Variants in GATAD2B observed in about 807,000 individuals in gnomAD.
GATAD2B encodes the protein transcriptional repressor p66-beta.
A neutral mutation model predicts 64.3 loss-of-function variants in GATAD2B; 8 were observed. The observed-to-expected ratio is 0.12, with a 90% CI of 0.07 to 0.22. The LOEUF is 0.22. Ranked by LOEUF, GATAD2B falls within the 10% of genes least tolerant of loss-of-function variation. GATAD2B has a pLI of 1.00. For synonymous variants in GATAD2B, 281 were observed against 271.3 expected (o/e 1.04, Z -0.35); for missense variants, 453 against 752.0 (o/e 0.60, Z 4.65).
At chr1:153,852,496 G>A in intron 1 of GATAD2B, 1 of 763,790 alleles carries the variant, frequency 1.3e-6, no homozygotes, top group South Asian at 1.3e-5. Flanking sequence ...GACTCGATGT[G>A]CTCTGCACAG....
Position 153,813,066 on chromosome 1 carries a change from A to G in GATAD2B, c.1419+184T>C, listed in dbSNP as rs144978019. On this transcript the variant is annotated intron_variant, in intron 8 of 10. Coordinates refer to ENST00000368655, the MANE Select transcript of GATAD2B (RefSeq NM_020699.4). ...TCCCTTTCTGTTAACCTCAGCCATT[A>G]TATTTTACCATGTTCTTAATCAGAA... is the stretch of plus-strand genomic sequence containing the variant. 1.2e-3 allele frequency among the ~76,000 whole-genome samples: 180 copies of G among 152,318 alleles called. 5 individuals are homozygous for G. Among genetic ancestry groups the G allele is most frequent in the Admixed American group, 0.01 (157 of 15,286 alleles).
At chr1:153,882,060 A>C (rs951126049) in intron 1 of GATAD2B, among the ~76,000 whole-genome samples, 1 of 152,006 alleles carries the variant, frequency 6.6e-6, no homozygotes, top group Non-Finnish European at 1.5e-5. Flanking sequence ...GGAGAGAAAA[A>C]CCAGTTGTAG....
intron 1 of GATAD2B, among the ~76,000 whole-genome samples, chr1:153,861,321 G>A (rs1385973075): frequency 6.6e-6 from 1 of 151,962 alleles, no homozygotes; most frequent in African/African-American, 2.4e-5. Context: ...GAAGGCCAAC[G>A]CAGGAGGATC....
chr1:153,823,722 T>G (rs887320521), intron 2 of GATAD2B, among the ~76,000 whole-genome samples: 10 of 151,892 alleles, frequency 6.6e-5, no homozygotes, highest in Non-Finnish European at 1.0e-4. Context: ...TGCTTTTTTT[T>G]TTTGTTTTTT....
chr1:153,914,327 T>C (rs1011470060), intron 1 of GATAD2B, among the ~76,000 whole-genome samples: 4 of 151,528 alleles, frequency 2.6e-5, no homozygotes, highest in Admixed American at 2.6e-4. Flanking sequence ...GTTTATAAAG[T>C]AACCTTTACA....
chr1:153,904,027 T>A (rs1474006929), intron 1 of GATAD2B, among the ~76,000 whole-genome samples: 1 of 152,092 alleles, frequency 6.6e-6, no homozygotes, highest in Non-Finnish European at 1.5e-5. Context: ...ACGCCTGTAA[T>A]CCCAGCACTT....
chr1:153,858,021 G>T (rs1028899128), intron 1 of GATAD2B, among the ~76,000 whole-genome samples: 1 of 152,124 alleles, frequency 6.6e-6, no homozygotes, highest in Non-Finnish European at 1.5e-5. Context: ...ATCTGGAGAT[G>T]CAATTGCTCT....
rs1488163128 is a variant in GATAD2B at position 153,812,086 on chromosome 1, G to A, written c.1466C>T (p.Thr489Met). The A allele has an allele frequency of 3.7e-6, 6 of 1,612,846 alleles. No homozygotes were observed. Among genetic ancestry groups the A allele is most frequent in the East Asian group, 2.2e-5 (1 of 44,898 alleles). The change falls in exon 9 of 11, where the codon ACG (threonine) becomes ATG (methionine). Residue 489 changes from threonine to methionine, a missense_variant. Transcript: ENST00000368655. Reference sequence around the variant, plus strand: ...ACTGACACTGGACACAGCTGGAGCCGTAGTGGGGGAGAGGGCTGCCTGCTG... The same window carrying A: ...ACTGACACTGGACACAGCTGGAGCCATAGTGGGGGAGAGGGCTGCCTGCTG... ...LQQQAALSPT[T>M]APAVSSVSKQ...
At chr1:153,861,795 A>AAAAAAAAAAAAATATAT (rs371843941) in intron 1 of GATAD2B, among the ~76,000 whole-genome samples, 5 of 98,548 alleles carry the variant, frequency 5.1e-5, no homozygotes, top group Non-Finnish European at 1.0e-4. Flanking sequence ...AAAAAAAAAA[A>AAAAAAAAAAAAATATAT]ATATATATAT....
intron 1 of GATAD2B, among the ~76,000 whole-genome samples, chr1:153,848,267 C>G (rs146646814): frequency 1.3e-5 from 2 of 152,220 alleles, no homozygotes; most frequent in African/African-American, 4.8e-5. Context: ...AAAACCACTT[C>G]AGTTCAGGTT....
rs145342179 is a variant in GATAD2B at position 153,891,097 on chromosome 1, C to T, written c.-2+31636G>A. Among the ~76,000 whole-genome samples the T allele has an allele frequency of 2.0e-3, 300 of 151,582 alleles. 7 individuals are homozygous for T. In the East Asian group the frequency reaches 0.055, roughly 28 times the overall value. ...TACTCAGGAGGCTGAGGAAGGAGAA[C>T]TGCTTGAACCTGGGAGGCGGAGTTT... is the stretch of plus-strand genomic sequence containing the variant. On this transcript the variant is annotated intron_variant, in intron 1 of 10. Transcript: ENST00000368655.
In GATAD2B at chr1:153,894,144, G is replaced by C. The variant is rs139023464; in HGVS notation, c.-2+28589C>G. On this transcript the variant is annotated intron_variant, in intron 1 of 10. Coordinates refer to ENST00000368655, the MANE Select transcript of GATAD2B (RefSeq NM_020699.4). ...AGAATAGTGGCTACCTGTTGGAGTG[G>C]AGGAGGGTAATGACTAGGAGAGAAC... 1.8e-3 allele frequency among the ~76,000 whole-genome samples: 270 copies of C among 152,100 alleles called. 1 individual carries two copies. Among genetic ancestry groups the C allele is most frequent in the African/African-American group, 6.4e-3 (264 of 41,498 alleles).
In GATAD2B at chr1:153,812,684, C is replaced by T. The variant is rs553591522; in HGVS notation, c.1420-552G>A. ...GTTTTATTTTTGACTCCTGCCTACC[C>T]GATCTTCCAAAAAGTCCATGATGCT... On this transcript the variant is annotated intron_variant, in intron 8 of 10. Transcript: ENST00000368655. 7.2e-5 allele frequency among the ~76,000 whole-genome samples: 11 copies of T among 152,236 alleles called. No homozygotes were observed. The South Asian group carries it at 1.9e-3, about 26-fold the overall frequency.
intron 1 of GATAD2B, among the ~76,000 whole-genome samples, chr1:153,890,050 C>G (rs1242391605): frequency 6.6e-6 from 1 of 151,528 alleles, no homozygotes; most frequent in Non-Finnish European, 1.5e-5. Flanking sequence ...GGCATGCCTG[C>G]AATCCCAGCC....
At chr1:153,921,395 G>C (rs770223739) in intron 1 of GATAD2B, among the ~76,000 whole-genome samples, 1 of 152,148 alleles carries the variant, frequency 6.6e-6, no homozygotes, top group Non-Finnish European at 1.5e-5. Flanking sequence ...TAGAAAAAAT[G>C]TCCTAAAAAC....
chr1:153,833,091 C>T (rs979801347), intron 1 of GATAD2B, among the ~76,000 whole-genome samples: 2 of 152,114 alleles, frequency 1.3e-5, no homozygotes, highest in Non-Finnish European at 2.9e-5. Context: ...CCAGTAGTCT[C>T]GGCTATGTGG....
chr1:153,891,438 G>A (rs1301937294), intron 1 of GATAD2B, among the ~76,000 whole-genome samples: 2 of 150,614 alleles, frequency 1.3e-5, no homozygotes, highest in African/African-American at 4.9e-5. Context: ...GTGTGGTGGC[G>A]GGCACCTGTA....
At chr1:153,906,278 G>C (rs1403584269) in intron 1 of GATAD2B, among the ~76,000 whole-genome samples, 1 of 151,984 alleles carries the variant, frequency 6.6e-6, no homozygotes, top group Non-Finnish European at 1.5e-5. Flanking sequence ...AATTAGCCAG[G>C]TGTGGTGGCG....
intron 1 of GATAD2B, among the ~76,000 whole-genome samples, chr1:153,848,008 T>G (rs1034170334): frequency 6.6e-6 from 1 of 152,216 alleles, no homozygotes; most frequent in Non-Finnish European, 1.5e-5. Context: ...TCCCAAAGAT[T>G]TGATTTAATC....
Sources: gnomAD v4.1 joint callset for allele counts (sites outside exome capture counted in the v4.1 genomes callset) on GRCh38, gnomAD v4.1.1 for gene constraint, MANE v1.5 for transcripts, NCBI Gene and HGNC (gene_info 2026-07-23, HGNC 2026-07-21) for gene names.